Variants in PKD1L1 observed in about 807,000 individuals in gnomAD.
PKD1L1 encodes polycystin-1-like protein 1.
In PKD1L1, 236 loss-of-function variants were observed where a neutral mutation model predicts 323.4. The observed-to-expected ratio is 0.73, with a 90% CI of 0.66 to 0.81. The LOEUF is 0.81. Ranked by LOEUF, PKD1L1 falls within the 40% of genes least tolerant of loss-of-function variation. PKD1L1 has a pLI of 0.00. For synonymous variants in PKD1L1, 1,344 were observed against 1,335.0 expected, an observed-to-expected ratio of 1.01 and a Z score of -0.15; for missense variants, 3,320 against 3,508.0, an observed-to-expected ratio of 0.95 and a Z score of 1.35.
chr7:47,823,438 C>T (rs1208269592), intron 45 of PKD1L1, among the ~76,000 whole-genome samples: 1 of 152,124 alleles, frequency 6.6e-6, no homozygotes, highest in Non-Finnish European at 1.5e-5. Flanking sequence ...TTTATTTTTG[C>T]TTCTTTGCGA....
intron 23 of PKD1L1, among the ~76,000 whole-genome samples, chr7:47,875,331 T>G (rs1209012079): frequency 6.6e-6 from 1 of 152,218 alleles, no homozygotes; most frequent in Non-Finnish European, 1.5e-5. Context: ...GAGGTGAAAC[T>G]TAAATAAATC....
rs142943207 is a variant in PKD1L1, at chr7:47,846,907, C to G, written c.5125G>C (p.Gly1709Arg). The change falls in exon 32 of 57, where the codon GGG (glycine) becomes CGG (arginine). Residue 1709 changes from glycine to arginine, a missense_variant. By Grantham distance (125) the Gly-to-Arg change is moderately radical. Transcript: ENST00000289672. Reference protein sequence around the residue: ...WKSERFSPQPGTSPEKVNCSY... With the variant: ...WKSERFSPQPRTSPEKVNCSY... ...CAGTTCACTTTTTCAGGAGAAGTCC[C>G]TGGTTGTGGAGAGAAACGTTCAGAT... The G allele has an allele frequency of 2.7e-4, 442 of 1,607,858 alleles. No individual in the cohort carries two copies. The highest frequency in any genetic ancestry group is 3.5e-4 in the Non-Finnish European group (410 of 1,178,542).
At position 47,855,206 on chromosome 7, in the gene PKD1L1, C is replaced by T. The variant is rs143741662; in HGVS notation, c.4650G>A (p.Arg1550=). The T allele has an allele frequency of 4.7e-5, 76 of 1,614,072 alleles. No homozygotes were observed. Among genetic ancestry groups the T allele is most frequent in the Non-Finnish European group, 6.3e-5 (74 of 1,180,042 alleles). ...YTCSSRRPIN[R]QWLRKPVMVE... ...CCATCACGGGTTTCCTTAGCCATTG[C>T]CTGTTGATGGGTCTTCTGCTGGAGC... The change falls in exon 29 of 57, where the codon AGG becomes AGA. Residue 1550 remains arginine, a synonymous_variant. Transcript: ENST00000289672.
chr7:47,902,231 A>G, intron 13 of PKD1L1, 148 bp downstream of exon 13: 1 of 1,221,220 alleles, frequency 8.2e-7, no homozygotes, highest in Non-Finnish European at 1.1e-6. Flanking sequence ...TGAAGCCCTT[A>G]TAGGCACTCC....
chr7:47,880,677 C>A, intron 21 of PKD1L1, 51 bp downstream of exon 21: 1 of 1,421,474 alleles, frequency 7.0e-7, no homozygotes, highest in Middle Eastern at 1.8e-4. Context: ...CTCACAGAGA[C>A]GCAGCAGGAC....
At chr7:47,905,478 T>C (rs1445143594) in intron 10 of PKD1L1, among the ~76,000 whole-genome samples, 153 bp from the exon 11 acceptor site, 1 of 152,240 alleles carries the variant, frequency 6.6e-6, no homozygotes, top group Non-Finnish European at 1.5e-5. Flanking sequence ...AGGATGCAGC[T>C]GTGGGCACGC....
chr7:47,909,118 G>A (rs1787267318), intron 8 of PKD1L1, among the ~76,000 whole-genome samples: 1 of 152,182 alleles, frequency 6.6e-6, no homozygotes, highest in African/African-American at 2.4e-5. Context: ...TGTTAACACA[G>A]CAATAGACTG....
intron 6 of PKD1L1, among the ~76,000 whole-genome samples, chr7:47,930,740 G>T (rs542036210): frequency 6.7e-6 from 1 of 149,842 alleles, no homozygotes; most frequent in Admixed American, 6.6e-5. Flanking sequence ...GCTTGAACCC[G>T]GGAGGCGGAG....
intron 15 of PKD1L1, among the ~76,000 whole-genome samples, chr7:47,892,207 T>C (rs112584308): frequency 0.046 from 7,014 of 152,104 alleles, 390 homozygotes; most frequent in African/African-American, 0.14. Flanking sequence ...GGAGTCTCAG[T>C]GGGGGCCCCA....
At chr7:47,818,028 C>G in intron 46 of PKD1L1, 18 of 1,364,822 alleles carry the variant, frequency 1.3e-5, no homozygotes, top group Non-Finnish European at 1.8e-5. Flanking sequence ...CTTTGCAGGT[C>G]TTTTATTGGG....
intron 28 of PKD1L1, among the ~76,000 whole-genome samples, chr7:47,857,050 C>T (rs1449652451): frequency 6.6e-6 from 1 of 152,242 alleles, no homozygotes; most frequent in African/African-American, 2.4e-5. Flanking sequence ...CCCATCCTCA[C>T]ATCCCCCTTT....
chr7:47,829,791 T>G (rs1785307549), intron 43 of PKD1L1, among the ~76,000 whole-genome samples, 190 bp from the exon 44 acceptor site: 1 of 152,174 alleles, frequency 6.6e-6, no homozygotes, highest in African/African-American at 2.4e-5. Flanking sequence ...ACCTAAATTC[T>G]CTGAGTTCAA....
Position 47,882,088 on chromosome 7 carries a change from A to G in PKD1L1, c.3266-3T>C, listed in dbSNP as rs1430759969. ...TCCTGGAAAGCTGGTGTCCTTAGCTAGGAAGATAAACCAAGCCAATAGATG... is the reference window on the plus strand; with the variant it reads ...TCCTGGAAAGCTGGTGTCCTTAGCTGGGAAGATAAACCAAGCCAATAGATG... On this transcript the variant is annotated splice_region_variant and splice_polypyrimidine_tract_variant and intron_variant, in intron 19 of 56. Transcript: ENST00000289672. 6.2e-7 allele frequency: 1 copy of G among 1,612,760 alleles called. No homozygotes were observed. The highest frequency in any genetic ancestry group is 8.5e-7 in the Non-Finnish European group (1 of 1,179,714).
rs780629946 is a variant in PKD1L1, at chr7:47,873,940, C to A, written c.3855G>T (p.Val1285=). ...KVQPCTVVVT[V]LPRYHGNDCL... The stretch of plus-strand genomic sequence containing the variant: ...AGTCATTTCCATGGTAGCGGGGCAG[C>A]ACAGTCACCACCACAGTGCACGGCT... The change falls in exon 24 of 57, where the codon GTG becomes GTT. Residue 1285 remains valine (V), a synonymous_variant. Transcript: ENST00000289672. 1 of 1,613,934 alleles carries A rather than the reference C, an allele frequency of 6.2e-7. No individual in the cohort carries two copies. Among genetic ancestry groups the A allele is most frequent in the East Asian group, 2.2e-5 (1 of 44,882 alleles).
rs765764641 is a variant in PKD1L1 at position 47,858,783 on chromosome 7, C to G, written c.4252G>C (p.Glu1418Gln). Residue 1418 changes from glutamate (E) to glutamine (Q), a missense_variant, in exon 27 of 57, where the codon GAG becomes CAG. By Grantham distance (29) the Glu-to-Gln change is conservative (BLOSUM62 2). Coordinates refer to ENST00000289672, the MANE Select transcript of PKD1L1 (RefSeq NM_138295.5). The part of the protein sequence containing the change: ...PFVIDKGVRL[E>Q]LIGLISRVWE... The stretch of plus-strand genomic sequence containing the variant: ...ACTCTGGATATGAGACCGATGAGCT[C>G]AAGCCTCACTCCTTTGTCAATCACA... 6 of 1,614,076 alleles carry G rather than the reference C, an allele frequency of 3.7e-6. No individual in the cohort carries two copies. Among genetic ancestry groups the G allele is most frequent in the Non-Finnish European group, 5.1e-6 (6 of 1,180,056 alleles).
chr7:47,866,519 C>G lies in PKD1L1; in HGVS notation c.3992G>C (p.Ser1331Thr). 6.2e-7 allele frequency: 1 copy of G among 1,614,098 alleles called. No homozygotes were observed. ...NYITVITRIL[S>T]RLSKEDKTAS... Reference sequence around the variant, plus strand: ...AGTTTTGTCCTCCTTAGACAAACGACTCAGGATTCTGGTGATCACAGTGAT... The same window carrying G: ...AGTTTTGTCCTCCTTAGACAAACGAGTCAGGATTCTGGTGATCACAGTGAT... Residue 1331 changes from serine to threonine, a missense_variant, in exon 25 of 57, where the codon AGT (serine) becomes ACT (threonine). Transcript: ENST00000289672.
At chr7:47,790,045 C>T (rs186546952) in intron 56 of PKD1L1, among the ~76,000 whole-genome samples, 22 of 151,010 alleles carry the variant, frequency 1.5e-4, no homozygotes, top group African/African-American at 4.4e-4. Context: ...CGTGCCATGA[C>T]GCCCAGCTAA....
At position 47,931,183 on chromosome 7, in the gene PKD1L1, T is replaced by C. The variant is rs374399540; in HGVS notation, c.658A>G (p.Lys220Glu). Reference sequence around the variant, plus strand: ...CTGGTCTGAGTGGGTCTGGCCACCTTGGTGGGGGTCTCCATCGTGACAGTC... The same window carrying C: ...CTGGTCTGAGTGGGTCTGGCCACCTCGGTGGGGGTCTCCATCGTGACAGTC... ...PGTVTMETPT[K>E]VARPTQTSSQ... The change falls in exon 6 of 57, where the codon AAG becomes GAG. Residue 220 changes from lysine (K) to glutamate (E), a missense_variant. Lys to Glu is a moderately conservative substitution (Grantham distance 56). Transcript: ENST00000289672. 9 of 1,614,136 alleles carry C rather than the reference T, an allele frequency of 5.6e-6. No individual in the cohort carries two copies. The African/African-American group carries it at 8.0e-5, about 14-fold the overall frequency.
chr7:47,902,282 C>T (rs1382234730), intron 13 of PKD1L1, 97 bp downstream of exon 13: 7 of 1,482,584 alleles, frequency 4.7e-6, no homozygotes, highest in Non-Finnish European at 6.4e-6. Context: ...CAAAGCCTCG[C>T]TTCATGCCCC....
Sources: allele counts gnomAD v4.1 joint callset (sites outside exome capture counted in the v4.1 genomes callset), GRCh38; gene constraint gnomAD v4.1.1; transcripts MANE v1.5; gene names NCBI Gene and HGNC (gene_info 2026-07-23, HGNC 2026-07-21).